TLL2: variants seen among roughly 807,000 people sequenced by gnomAD.
TLL2 encodes tolloid-like protein 2.
Under a neutral mutation model 123.0 loss-of-function variants are expected in TLL2, and 106 were observed. The observed-to-expected ratio is 0.86, with a 90% CI of 0.74 to 1.01. The LOEUF (loss-of-function observed/expected upper bound fraction) is 1.01. Among genes scored for constraint, TLL2 ranks in the 50% least tolerant of loss-of-function variants. The probability of loss-of-function intolerance (pLI) is 0.00; values close to 1 mark genes in which losing one functional copy is unlikely to be tolerated. For missense variants in TLL2, 1,332 were observed against 1,336.7 expected (o/e 1.00, Z 0.06); for synonymous variants, 494 against 516.8 (o/e 0.96, Z 0.60).
intron 2 of TLL2, among the ~76,000 whole-genome samples, chr10:96,471,545 C>T (rs1400006680): frequency 6.6e-6 from 1 of 152,200 alleles, no homozygotes; most frequent in East Asian, 1.9e-4. Context: ...CAGCAAAGGG[C>T]CAACCCTGCG....
At chr10:96,491,937 T>G (rs1185992522) in intron 1 of TLL2, among the ~76,000 whole-genome samples, 1 of 152,102 alleles carries the variant, frequency 6.6e-6, no homozygotes. Context: ...GTTTCTGAAG[T>G]TCTGTTATGT....
chr10:96,429,689 AG>A (rs1481904707), intron 4 of TLL2, among the ~76,000 whole-genome samples: 2 of 152,176 alleles, frequency 1.3e-5, no homozygotes, highest in Non-Finnish European at 2.9e-5. Flanking sequence ...TTAGACCTGT[AG>A]GGGGGTGCTC....
At chr10:96,383,091 T>C (rs927221277) in intron 16 of TLL2, among the ~76,000 whole-genome samples, 1 of 151,820 alleles carries the variant, frequency 6.6e-6, no homozygotes, top group Non-Finnish European at 1.5e-5. Context: ...GGGGGATTAT[T>C]CGTGATCAGA....
chr10:96,369,829 T>C (rs1172896353), intron 20 of TLL2, among the ~76,000 whole-genome samples: 1 of 151,120 alleles, frequency 6.6e-6, no homozygotes, highest in Non-Finnish European at 1.5e-5. Flanking sequence ...AAAGGAAAAG[T>C]GCTCTTCCAT....
rs1163587690 is a variant in TLL2 at position 96,405,266 on chromosome 10, GA to G, written c.1232del (p.Val411AlafsTer58). 17 of 1,614,128 alleles carry G rather than the reference GA, an allele frequency of 1.1e-5. No individual in the cohort carries two copies. The highest frequency in any genetic ancestry group is 1.4e-5 in the Non-Finnish European group (17 of 1,180,022). On this transcript the variant is annotated frameshift_variant, in exon 10 of 21. Transcript: ENST00000357947. LOFTEE classifies it high-confidence loss of function. Reference sequence around the variant, plus strand: ...GGGCTTTTCTCCAGTAACCATCCCGGACCTCCACGTAATCATACCAGCACAG... The same window carrying G: ...GGGCTTTTCTCCAGTAACCATCCCGGCCTCCACGTAATCATACCAGCACAG... ...SRLCWYDYVE[V>X]RDGYWRKAPL...
At position 96,473,993 on chromosome 10, in the gene TLL2, C is replaced by T. The variant is rs561288532; in HGVS notation, c.286+6356G>A. Among the ~76,000 whole-genome samples, 11 of 152,212 alleles carry T rather than the reference C, an allele frequency of 7.2e-5. No homozygotes were observed. In the South Asian group the frequency reaches 1.5e-3, roughly 20 times the overall value. ...GCAAGAGGGTCGGAAAGTGTATGCG[C>T]GCCTGTGTGTGTGTCTGTGTGTGTC... is the stretch of plus-strand genomic sequence containing the variant. On this transcript the variant is annotated intron_variant, in intron 2 of 20. Transcript: ENST00000357947.
At chr10:96,472,502 T>G (rs1301606860) in intron 2 of TLL2, among the ~76,000 whole-genome samples, 4 of 152,118 alleles carry the variant, frequency 2.6e-5, no homozygotes, top group Non-Finnish European at 5.9e-5. Context: ...TGGCTCGCAC[T>G]TATAATCCCA....
intron 2 of TLL2, among the ~76,000 whole-genome samples, chr10:96,459,705 A>AAAAAATATATATAT (rs1847058581): frequency 2.6e-5 from 1 of 38,056 alleles, no homozygotes; most frequent in African/African-American, 1.1e-4. Context: ...AAAAAAAAAA[A>AAAAAATATATATAT]ATATATATAT....
At chr10:96,430,136 T>TC (rs34273279) in intron 4 of TLL2, among the ~76,000 whole-genome samples, 98,339 of 151,996 alleles carry the variant, frequency 0.65, 31,952 homozygotes, top group East Asian at 0.76. Context: ...TGAAACATAA[T>TC]CCCAGTGTTG....
chr10:96,419,162 C>T (rs922511910), intron 7 of TLL2, among the ~76,000 whole-genome samples: 1 of 152,144 alleles, frequency 6.6e-6, no homozygotes, highest in African/African-American at 2.4e-5. Flanking sequence ...AGGGTGGATC[C>T]CTCAATGTCT....
chr10:96,397,920 T>C (rs750093923), intron 10 of TLL2, among the ~76,000 whole-genome samples: 2 of 152,116 alleles, frequency 1.3e-5, no homozygotes, highest in Non-Finnish European at 2.9e-5. Context: ...CCATTCCCCA[T>C]CTCACCTTGA....
intron 1 of TLL2, among the ~76,000 whole-genome samples, chr10:96,492,832 G>A (rs1048254969): frequency 4.6e-5 from 7 of 152,104 alleles, no homozygotes; most frequent in Non-Finnish European, 1.0e-4. Flanking sequence ...TCCTTTCACT[G>A]GGTCTCCTGA....
chr10:96,370,281 G>T lies in TLL2; in HGVS notation c.2697C>A (p.Thr899=), dbSNP rs946857765. Residue 899 remains threonine, a synonymous_variant, in exon 20 of 21, where the codon ACC becomes ACA. Transcript: ENST00000357947. ...CGGRLKAEVQ[T]KELYSHAQFG... is the part of the protein sequence containing the mutation. ...ACTGGGCGTGGGAATAGAGCTCTTT[G>T]GTCTGCACTTCAGCCTTCAGCCTGC... 1.2e-6 allele frequency: 2 copies of T among 1,601,796 alleles called. No homozygotes were observed. Among genetic ancestry groups the T allele is most frequent in the Non-Finnish European group, 1.7e-6 (2 of 1,173,220 alleles).
At chr10:96,417,417 G>A (rs1057039166) in intron 7 of TLL2, among the ~76,000 whole-genome samples, 2 of 152,228 alleles carry the variant, frequency 1.3e-5, no homozygotes, top group Non-Finnish European at 2.9e-5. Context: ...AGGTGACAAG[G>A]CAGCAGTGGC....
chr10:96,511,248 C>T (rs773336498), intron 1 of TLL2, among the ~76,000 whole-genome samples: 1 of 152,252 alleles, frequency 6.6e-6, no homozygotes, highest in Non-Finnish European at 1.5e-5. Context: ...GTCCCGCTAG[C>T]CAAGAGGCAA....
intron 1 of TLL2, among the ~76,000 whole-genome samples, chr10:96,481,237 C>A (rs766607382): frequency 7.2e-5 from 11 of 151,968 alleles, no homozygotes; most frequent in Non-Finnish European, 1.5e-4. Context: ...ACCTTGAAAG[C>A]CTGGGCTCAA....
At chr10:96,509,757 A>C (rs1847609693) in intron 1 of TLL2, among the ~76,000 whole-genome samples, 1 of 152,212 alleles carries the variant, frequency 6.6e-6, no homozygotes, top group Admixed American at 6.5e-5. Context: ...ATCATCCAGG[A>C]TAACACGGTG....
intron 16 of TLL2, among the ~76,000 whole-genome samples, chr10:96,380,490 A>G (rs371918422): frequency 5.9e-5 from 9 of 151,966 alleles, no homozygotes; most frequent in African/African-American, 2.2e-4. Context: ...CATCCTGGCT[A>G]ACACGGTGAA....
At chr10:96,435,430 T>C (rs1846787422) in intron 3 of TLL2, among the ~76,000 whole-genome samples, 1 of 152,262 alleles carries the variant, frequency 6.6e-6, no homozygotes. Flanking sequence ...TTCACTTTTA[T>C]AATAGTGTCC....
Sources: allele counts gnomAD v4.1 joint callset (sites outside exome capture counted in the v4.1 genomes callset), GRCh38; gene constraint gnomAD v4.1.1; transcripts MANE v1.5; gene names NCBI Gene and HGNC (gene_info 2026-07-23, HGNC 2026-07-21).